WWP2: variants seen among roughly 807,000 people sequenced by gnomAD.
The protein encoded by WWP2 is NEDD4-like E3 ubiquitin-protein ligase WWP2.
In WWP2, 57 loss-of-function variants were observed where a neutral mutation model predicts 121.0. The observed-to-expected ratio is 0.47, with a 90% confidence interval of 0.38 to 0.59. The LOEUF (loss-of-function observed/expected upper bound fraction) is 0.59, where lower values mean the gene tolerates loss of function less well. WWP2 is among the 20% of genes least tolerant of loss of function. The probability of loss-of-function intolerance (pLI) is 0.00; values close to 1 mark genes in which losing one functional copy is unlikely to be tolerated. For missense variants in WWP2, 962 were observed against 1,158.9 expected, an observed-to-expected ratio of 0.83 and a Z score of 2.47; for synonymous variants, 449 against 441.3, an observed-to-expected ratio of 1.02 and a Z score of -0.22.
chr16:69,857,895 T>TC (rs1440943584), intron 6 of WWP2, among the ~76,000 whole-genome samples: 2 of 151,756 alleles, frequency 1.3e-5, no homozygotes, highest in East Asian at 3.9e-4. Flanking sequence ...GGATCCTCTT[T>TC]CCTCAGCCTC....
intron 4 of WWP2, among the ~76,000 whole-genome samples, chr16:69,813,198 T>C (rs936929297): frequency 1.3e-5 from 2 of 151,900 alleles, no homozygotes; most frequent in African/African-American, 2.4e-5. Flanking sequence ...GTTTTGCTCT[T>C]GTTGCCTAGG....
chr16:69,855,873 A>AT (rs1267083191), intron 6 of WWP2, among the ~76,000 whole-genome samples: 10 of 152,332 alleles, frequency 6.6e-5, no homozygotes, highest in Non-Finnish European at 4.4e-5. Context: ...TTTCGAGGTT[A>AT]TTTCATTGGA....
In WWP2 at chr16:69,931,949, A is replaced by G. The variant is rs2058722369; in HGVS notation, c.1682+59A>G. ...CCCCGCTTCCCCAGGCTACAGCATC[A>G]ATGGCCAGAAAGCTGCCTGCCCCCT... On this transcript the variant is annotated intron_variant, in intron 16 of 23. Coordinates refer to ENST00000359154, the MANE Select transcript of WWP2 (RefSeq NM_001270454.2). 7 of 1,499,772 alleles carry G rather than the reference A, an allele frequency of 4.7e-6. No homozygotes were observed. The South Asian group carries it at 8.4e-5, about 18-fold the overall frequency. The allele number at this position is 1,499,772 out of a possible 1,614,324, so 92.9% of individuals were successfully genotyped here. A position where few individuals can be genotyped will look rare whatever the true frequency, so the allele number is the denominator to read the frequency against.
In WWP2 at chr16:69,937,160, G is replaced by T; in HGVS notation, c.2160G>T (p.Gln720His). 1.2e-6 allele frequency: 2 copies of T among 1,614,062 alleles called. No homozygotes were observed. Among genetic ancestry groups the T allele is most frequent in the South Asian group, 1.1e-5 (1 of 91,026 alleles). Residue 720 changes from glutamine to histidine, a missense_variant, in exon 20 of 24, where the codon CAG becomes CAT. Coordinates refer to ENST00000359154, the MANE Select transcript of WWP2 (RefSeq NM_001270454.2). The surrounding 1 kb of genome is among the most constrained non-coding windows in gnomAD (Gnocchi z 6.6). ...GTTTCACCCGAGGCGTGGAAGAGCA[G>T]ACCAAAGCCTTCCTGGATGGCTTCA... ...DWRFTRGVEE[Q>H]TKAFLDGFNE...
intron 1 of WWP2, among the ~76,000 whole-genome samples, chr16:69,771,077 A>G (rs2055404281): frequency 6.6e-6 from 1 of 151,846 alleles, no homozygotes; most frequent in Non-Finnish European, 1.5e-5. Flanking sequence ...GCTCTGGATC[A>G]CTCAAAGGCA....
chr16:69,864,547 T>C (rs1411498430), intron 6 of WWP2, among the ~76,000 whole-genome samples: 1 of 151,936 alleles, frequency 6.6e-6, no homozygotes, highest in African/African-American at 2.4e-5. Context: ...ATAAAAACTC[T>C]GTCCATTCTT....
intron 4 of WWP2, among the ~76,000 whole-genome samples, chr16:69,820,134 G>A (rs1039176381): frequency 1.3e-5 from 2 of 152,184 alleles, no homozygotes; most frequent in African/African-American, 4.8e-5. Context: ...TCAGGAGGGT[G>A]AGGCAGGAGG....
intron 16 of WWP2, chr16:69,932,997 C>T (rs1038207509): frequency 2.8e-5 from 13 of 472,206 alleles, no homozygotes; most frequent in Non-Finnish European, 5.7e-5. Flanking sequence ...CTGCGCTGGC[C>T]CCGTGGATGG....
chr16:69,794,598 G>C (rs1003344400), intron 2 of WWP2, among the ~76,000 whole-genome samples: 4 of 152,264 alleles, frequency 2.6e-5, no homozygotes, highest in African/African-American at 9.6e-5. Context: ...GAATGACCAA[G>C]GACAGCCTAG....
intron 13 of WWP2, 64 bp downstream of exon 13, chr16:69,930,322 C>T (rs1452294519): frequency 6.3e-7 from 1 of 1,589,048 alleles, no homozygotes; most frequent in East Asian, 2.3e-5. Flanking sequence ...CTTGTTCTGG[C>T]TCTGGGAGGC....
intron 1 of WWP2, among the ~76,000 whole-genome samples, chr16:69,767,539 G>A (rs1294443953): frequency 6.6e-6 from 1 of 152,136 alleles, no homozygotes; most frequent in Admixed American, 6.5e-5. Flanking sequence ...AGGCAGAAAG[G>A]GAATTTACCA....
chr16:69,909,064 G>A (rs1026484213), intron 9 of WWP2: 10 of 1,334,884 alleles, frequency 7.5e-6, no homozygotes, highest in African/African-American at 5.9e-5. Flanking sequence ...AACAAAAGGC[G>A]CATGGGAGGC....
At chr16:69,887,125 G>T (rs2057939321) in intron 7 of WWP2, among the ~76,000 whole-genome samples, 4 of 152,166 alleles carry the variant, frequency 2.6e-5, no homozygotes, top group Admixed American at 2.0e-4. Flanking sequence ...AAGAGGTGAA[G>T]AGATGGTGAA....
At chr16:69,839,530 C>G (rs1465004623) in intron 4 of WWP2, among the ~76,000 whole-genome samples, 1 of 152,150 alleles carries the variant, frequency 6.6e-6, no homozygotes, top group Non-Finnish European at 1.5e-5. Context: ...CTCTGGGCCA[C>G]TTCTCAATTC....
chr16:69,828,335 C>G (rs1400774756), intron 4 of WWP2, among the ~76,000 whole-genome samples: 1 of 152,146 alleles, frequency 6.6e-6, no homozygotes. Context: ...TCTTCTCTGT[C>G]TTTCTTGCAA....
In WWP2 at chr16:69,937,111, G is replaced by T. The variant is rs2058811351; in HGVS notation, c.2118-7G>T. 2.5e-6 allele frequency: 4 copies of T among 1,613,760 alleles called. No homozygotes were observed. Among genetic ancestry groups the T allele is most frequent in the Non-Finnish European group, 3.4e-6 (4 of 1,179,850 alleles). On this transcript the variant is annotated splice_polypyrimidine_tract_variant and splice_region_variant and intron_variant, in intron 19 of 23. Coordinates refer to ENST00000359154, the MANE Select transcript of WWP2 (RefSeq NM_001270454.2). The surrounding 1 kb of genome is among the most constrained non-coding windows in gnomAD (Gnocchi z 6.6). The stretch of plus-strand genomic sequence containing the variant: ...AGACTCCACCCATGGCTGCTCTTTG[G>T]TCTCAGGCTGCTGACTGACTGGCGT...
At chr16:69,762,977 G>A (rs2038648706) in intron 1 of WWP2, among the ~76,000 whole-genome samples, 1 of 152,046 alleles carries the variant, frequency 6.6e-6, no homozygotes, top group Middle Eastern at 3.4e-3. Context: ...CGTGGGTAGG[G>A]TTTCCACTTC....
At chr16:69,882,555 A>C (rs1383082123) in intron 7 of WWP2, among the ~76,000 whole-genome samples, 1 of 152,254 alleles carries the variant, frequency 6.6e-6, no homozygotes, top group Non-Finnish European at 1.5e-5. Flanking sequence ...CAGCAAAGTC[A>C]AAACAGCATG....
In WWP2 at chr16:69,929,548, AG is replaced by A. The variant is rs752479198; in HGVS notation, c.1316+25del. The A allele has an allele frequency of 6.7e-5, 108 of 1,611,882 alleles. No individual in the cohort carries two copies. The highest frequency in any genetic ancestry group is 8.9e-5 in the Non-Finnish European group (105 of 1,178,304). ...CCCAGGGGTAAGGACTTGGGCTGAG[AG>A]GGGGGCCGGGCTGGGCTGGGTCTCT... On this transcript the variant is annotated intron_variant, in intron 12 of 23. Transcript: ENST00000359154.
Sources: allele counts gnomAD v4.1 joint callset (sites outside exome capture counted in the v4.1 genomes callset), GRCh38; gene constraint gnomAD v4.1.1; non-coding constraint Gnocchi (gnomAD v3.1); transcripts MANE v1.5; gene names NCBI Gene and HGNC (gene_info 2026-07-23, HGNC 2026-07-21).